The following ARID4B variants were observed in gnomAD, a reference collection of about 807,000 sequenced individuals.
ARID4B encodes AT-rich interactive domain-containing protein 4B.
A neutral mutation model predicts 147.5 loss-of-function variants in ARID4B; 26 were observed. That is an observed-to-expected ratio of 0.18 (90% CI 0.13 to 0.24). The LOEUF is 0.24. ARID4B is among the 10% of genes least tolerant of loss of function. The probability of loss-of-function intolerance (pLI) is 1.00; values close to 1 mark genes in which losing one functional copy is unlikely to be tolerated. For missense variants in ARID4B, 1,179 were observed against 1,511.5 expected (o/e 0.78, Z 3.65); for synonymous variants, 512 against 507.9 (o/e 1.01, Z -0.11).
At chr1:235,248,287 C>T (rs551597211) in intron 6 of ARID4B, among the ~76,000 whole-genome samples, 2 of 152,162 alleles carry the variant, frequency 1.3e-5, no homozygotes, top group African/African-American at 4.8e-5. Context: ...TGGGCTCAAG[C>T]CATCTGCCCA....
chr1:235,230,091 A>G (rs1034849377), intron 10 of ARID4B, among the ~76,000 whole-genome samples: 1 of 152,212 alleles, frequency 6.6e-6, no homozygotes, highest in Non-Finnish European at 1.5e-5. Context: ...AAGGATGTAC[A>G]TTCATTAGTG....
At chr1:235,214,822 A>G (rs1666944743) in intron 16 of ARID4B, among the ~76,000 whole-genome samples, 1 of 148,686 alleles carries the variant, frequency 6.7e-6, no homozygotes, top group East Asian at 2.0e-4. Context: ...ACTATTCTAG[A>G]AAGAGTATTA....
chr1:235,255,267 A>AGATAGATCGATC (rs1553304359), intron 5 of ARID4B, among the ~76,000 whole-genome samples: 1 of 137,154 alleles, frequency 7.3e-6, no homozygotes, highest in African/African-American at 2.7e-5. Context: ...AGATAGATAT[A>AGATAGATCGATC]TATCTCTCTC....
chr1:235,303,662 A>C (rs1572198209), intron 2 of ARID4B, among the ~76,000 whole-genome samples: 1 of 152,196 alleles, frequency 6.6e-6, no homozygotes, highest in Non-Finnish European at 1.5e-5. Context: ...CCAGGGGTTC[A>C]AGGCTGCAGT....
intron 7 of ARID4B, among the ~76,000 whole-genome samples, chr1:235,246,133 T>C (rs1428301588): frequency 3.3e-5 from 5 of 152,188 alleles, no homozygotes; most frequent in Non-Finnish European, 7.4e-5. Context: ...AGCATGATAT[T>C]AGAAAACAAG....
Position 235,183,773 on chromosome 1 carries a change from C to T in ARID4B, c.2126-980G>A, listed in dbSNP as rs7528945. On this transcript the variant is annotated intron_variant, in intron 19 of 23. Coordinates refer to ENST00000264183, the MANE Select transcript of ARID4B (RefSeq NM_016374.6). ...TCCCTGCCTCCCTTCCTTTCTCTTT[C>T]CTTTCTCTTTCTTTATTTCTCTCTC... is the stretch of plus-strand genomic sequence containing the variant. Among the ~76,000 whole-genome samples the T allele has an allele frequency of 1.9e-3, 288 of 151,196 alleles. 1 individual carries two copies. The highest frequency in any genetic ancestry group is 6.9e-3 in the African/African-American group (282 of 41,142).
chr1:235,197,512 C>T (rs1203221266), intron 17 of ARID4B, among the ~76,000 whole-genome samples: 1 of 152,124 alleles, frequency 6.6e-6, no homozygotes, highest in African/African-American at 2.4e-5. Flanking sequence ...GGATTCATCC[C>T]CATGCAAGGG....
intron 2 of ARID4B, among the ~76,000 whole-genome samples, chr1:235,292,988 A>G (rs1672437049): frequency 6.6e-6 from 1 of 152,192 alleles, no homozygotes; most frequent in African/African-American, 2.4e-5. Context: ...AAGACTCCAC[A>G]ATACATTCCT....
intron 2 of ARID4B, among the ~76,000 whole-genome samples, chr1:235,293,277 A>G (rs1032309557): frequency 2.0e-5 from 3 of 152,210 alleles, no homozygotes; most frequent in Non-Finnish European, 4.4e-5. Flanking sequence ...ATTTTTTACT[A>G]TATTTTAAAT....
intron 2 of ARID4B, among the ~76,000 whole-genome samples, chr1:235,302,023 G>A (rs1156308660): frequency 7.3e-5 from 11 of 150,772 alleles, no homozygotes; most frequent in Admixed American, 2.0e-4. Flanking sequence ...TAGTGGAAAC[G>A]GGGTTTCGCC....
At chr1:235,259,775 A>C (rs1558254793) in intron 3 of ARID4B, among the ~76,000 whole-genome samples, 1 of 152,234 alleles carries the variant, frequency 6.6e-6, no homozygotes, top group Non-Finnish European at 1.5e-5. Context: ...TAAGGAATAT[A>C]GGAACAGTAA....
intron 11 of ARID4B, 48 bp downstream of exon 11, chr1:235,229,183 C>T (rs1361187532): frequency 1.3e-6 from 2 of 1,580,528 alleles, no homozygotes; most frequent in Admixed American, 1.9e-5. Flanking sequence ...ACAAGGGAAA[C>T]CCAACTGTTA....
chr1:235,171,689 G>A (rs1315277797), intron 23 of ARID4B, among the ~76,000 whole-genome samples: 1 of 151,876 alleles, frequency 6.6e-6, no homozygotes, highest in Admixed American at 6.6e-5. Context: ...GCCCAGGCTG[G>A]AGTGCAATGG....
chr1:235,323,611 C>T (rs969869045), intron 2 of ARID4B, among the ~76,000 whole-genome samples: 52 of 151,888 alleles, frequency 3.4e-4, no homozygotes, highest in African/African-American at 1.3e-3. Context: ...ATGGAGAAAC[C>T]TTGTCTCTAC....
intron 2 of ARID4B, among the ~76,000 whole-genome samples, chr1:235,316,750 CG>C (rs1674467930): frequency 6.6e-6 from 1 of 151,586 alleles, no homozygotes; most frequent in African/African-American, 2.4e-5. Flanking sequence ...ATCCGGGAGC[CG>C]AGTGTTGCAG....
chr1:235,322,589 TCTGTCCTCTC>T (rs1674917179), intron 2 of ARID4B, among the ~76,000 whole-genome samples: 2 of 152,196 alleles, frequency 1.3e-5, no homozygotes, highest in South Asian at 4.1e-4. Flanking sequence ...GCTGTCCTCT[TCTGTCCTCTC>T]ATAGCATTTC....
At chr1:235,183,926 G>C (rs1664496382) in intron 19 of ARID4B, among the ~76,000 whole-genome samples, 1 of 152,012 alleles carries the variant, frequency 6.6e-6, no homozygotes, top group Non-Finnish European at 1.5e-5. Flanking sequence ...TGGGACTACA[G>C]GTGTGCCACA....
At chr1:235,296,794 G>GAAGT (rs1357041967) in intron 2 of ARID4B, among the ~76,000 whole-genome samples, 2 of 16,102 alleles carry the variant, frequency 1.2e-4, no homozygotes, top group African/African-American at 1.8e-4. Context: ...AAAAAAGGAG[G>GAAGT]AAGGAAGGAA....
At chr1:235,303,048 C>T (rs967345938) in intron 2 of ARID4B, among the ~76,000 whole-genome samples, 1 of 152,024 alleles carries the variant, frequency 6.6e-6, no homozygotes, top group African/African-American at 2.4e-5. Context: ...CTCAGCCTCT[C>T]GACTAGCTGG....
Sources: allele counts gnomAD v4.1 joint callset (sites outside exome capture counted in the v4.1 genomes callset), GRCh38; gene constraint gnomAD v4.1.1; transcripts MANE v1.5; gene names NCBI Gene and HGNC (gene_info 2026-07-23, HGNC 2026-07-21).